RAET1L: variants seen among roughly 807,000 people sequenced by gnomAD.
The protein encoded by RAET1L is retinoic acid early transcript 1L, also known as UL16-binding protein 6.
RAET1L carries 16 observed loss-of-function variants against 23.9 expected under a neutral mutation model. The ratio of observed to expected loss-of-function variants is 0.67; its 90% CI spans 0.45 to 1.02. RAET1L has a LOEUF of 1.02. Ranked by LOEUF, RAET1L falls within the 50% of genes least tolerant of loss-of-function variation. The probability of loss-of-function intolerance (pLI) is 0.00; values close to 1 mark genes in which losing one functional copy is unlikely to be tolerated. For missense variants in RAET1L, 233 were observed against 304.0 expected, an observed-to-expected ratio of 0.77 and a Z score of 1.74; for synonymous variants, 70 against 111.2, an observed-to-expected ratio of 0.63 and a Z score of 2.33.
At chr6:150,021,247 C>T in intron 2 of RAET1L, 61 bp from the exon 3 acceptor site, 3 of 1,546,394 alleles carry the variant, frequency 1.9e-6, no homozygotes, top group Non-Finnish European at 2.6e-6. Context: ...CCATCCTGTT[C>T]CCCTTACAAT....
chr6:150,023,750 G>C (rs944786575), intron 1 of RAET1L, among the ~76,000 whole-genome samples: 2 of 152,124 alleles, frequency 1.3e-5, no homozygotes, highest in African/African-American at 4.8e-5. Context: ...TGAATATTCA[G>C]AGACAAGGCA....
chr6:150,025,082 A>G (rs1415507418), intron 1 of RAET1L, among the ~76,000 whole-genome samples: 1 of 152,094 alleles, frequency 6.6e-6, no homozygotes, highest in Non-Finnish European at 1.5e-5. Context: ...TCCTTCCGAA[A>G]GGCGGGTGGG....
intron 1 of RAET1L, among the ~76,000 whole-genome samples, chr6:150,023,145 A>C (rs2114760520): frequency 6.8e-6 from 1 of 147,470 alleles, no homozygotes; most frequent in South Asian, 2.2e-4. Flanking sequence ...AGGAGCAAGG[A>C]GGGTGCAATG....
rs971948440 is a variant in RAET1L at position 150,018,831 on chromosome 6, G to A, written c.*47C>T. On this transcript the variant is annotated 3_prime_UTR_variant, in exon 5 of 5. Transcript: ENST00000367341. ...GAGGTTGATCAAGACCGTGCTCACA[G>A]GGGCTTTTTGGTATCATCTTTAACC... 11 of 341,398 alleles carry A rather than the reference G, an allele frequency of 3.2e-5. No individual in the cohort carries two copies. Among genetic ancestry groups the A allele is most frequent in the South Asian group, 2.1e-4 (9 of 43,204 alleles). 21.1% of individuals were successfully genotyped at this position (341,398 alleles called of 1,614,324 possible).
chr6:150,020,355 C>T lies in RAET1L; in HGVS notation c.632-116G>A, dbSNP rs1007322239. 3.8e-6 allele frequency: 6 copies of T among 1,589,682 alleles called. No individual in the cohort carries two copies. In the Admixed American group the frequency reaches 8.8e-5, roughly 23 times the overall value. ...GAAGGCAAAAGTTTTGTCCCCTCCCCCCTGGTGTGGGGCAGCCAGTATGAC... is the reference window on the plus strand; with the variant it reads ...GAAGGCAAAAGTTTTGTCCCCTCCCTCCTGGTGTGGGGCAGCCAGTATGAC... On this transcript the variant is annotated intron_variant, in intron 3 of 4. Transcript: ENST00000367341.
At chr6:150,020,391 T>G (rs1282952454) in intron 3 of RAET1L, 152 bp from the exon 4 acceptor site, 1 of 1,453,590 alleles carries the variant, frequency 6.9e-7, no homozygotes, top group Non-Finnish European at 9.4e-7. Flanking sequence ...AGGTCCTGGC[T>G]TAGGAAGGGA....
At position 150,020,583 on chromosome 6, in the gene RAET1L, A is replaced by G. The variant is rs539738267; in HGVS notation, c.631+322T>C. Reference sequence around the variant, plus strand: ...TTTCCAGAACCAGACCAGGGAAAGGAAAGGAAAAGTGATTCTCAAAAGAGG... The same window carrying G: ...TTTCCAGAACCAGACCAGGGAAAGGGAAGGAAAAGTGATTCTCAAAAGAGG... On this transcript the variant is annotated intron_variant, in intron 3 of 4. Coordinates refer to ENST00000367341, the MANE Select transcript of RAET1L (RefSeq NM_130900.3). Among the ~76,000 whole-genome samples, 224 of 152,222 alleles carry G rather than the reference A, an allele frequency of 1.5e-3. 1 individual carries two copies. The highest frequency in any genetic ancestry group is 5.1e-3 in the African/African-American group (212 of 41,522).
intron 1 of RAET1L, among the ~76,000 whole-genome samples, chr6:150,023,052 A>G (rs1779906584): frequency 7.6e-6 from 1 of 131,800 alleles, no homozygotes; most frequent in Admixed American, 7.9e-5. Context: ...GGGGTAGGAG[A>G]TGCTGTTCCT....
intron 3 of RAET1L, 99 bp from the exon 4 acceptor site, chr6:150,020,338 A>C: frequency 6.3e-7 from 1 of 1,591,082 alleles, no homozygotes; most frequent in Non-Finnish European, 8.6e-7. Context: ...TGGAAGGCAA[A>C]AGTTTTGTCC....
rs1016918565 is a variant in RAET1L, at chr6:150,020,356, C to A, written c.632-117G>T. ...AAGGCAAAAGTTTTGTCCCCTCCCCCCTGGTGTGGGGCAGCCAGTATGACA... is the reference window on the plus strand; with the variant it reads ...AAGGCAAAAGTTTTGTCCCCTCCCCACTGGTGTGGGGCAGCCAGTATGACA... On this transcript the variant is annotated intron_variant, in intron 3 of 4. Transcript: ENST00000367341. 146 of 1,587,448 alleles carry A rather than the reference C, an allele frequency of 9.2e-5. 2 individuals are homozygous for A. In the Admixed American group the frequency reaches 2.2e-3, roughly 24 times the overall value.
intron 1 of RAET1L, among the ~76,000 whole-genome samples, chr6:150,024,929 G>T (rs1414591552): frequency 6.6e-6 from 1 of 152,134 alleles, no homozygotes; most frequent in Non-Finnish European, 1.5e-5. Flanking sequence ...GAGTCCTGGG[G>T]GTGCTGGAGG....
chr6:150,024,421 A>T (rs1045628855), intron 1 of RAET1L, among the ~76,000 whole-genome samples: 8 of 152,176 alleles, frequency 5.3e-5, no homozygotes, highest in Non-Finnish European at 1.2e-4. Flanking sequence ...ACAAAGGGAC[A>T]GGACTGGACA....
At position 150,020,984 on chromosome 6, in the gene RAET1L, G is replaced by C; in HGVS notation, c.552C>G (p.Tyr184Ter). ...ATCCTATGCAGTCTCCCATTGAGAT[G>C]TAATGGAAGGACATGGCCACATCCT... ...NDKDVAMSFH[Y>*]ISMGDCIGWL... The change falls in exon 3 of 5, where the codon TAC becomes TAG. Residue 184 changes from tyrosine (Y) to a stop codon, truncating the protein, a stop_gained. Coordinates refer to ENST00000367341, the MANE Select transcript of RAET1L (RefSeq NM_130900.3). LOFTEE classifies it high-confidence loss of function. 6.2e-7 allele frequency: 1 copy of C among 1,614,218 alleles called. No individual in the cohort carries two copies. The highest frequency in any genetic ancestry group is 8.5e-7 in the Non-Finnish European group (1 of 1,180,048).
At position 150,018,821 on chromosome 6, in the gene RAET1L, C is replaced by T. The variant is rs571605706; in HGVS notation, c.*57G>A. Reference sequence around the variant, plus strand: ...ACAGAAGGGCGAGGTTGATCAAGACCGTGCTCACAGGGGCTTTTTGGTATC... The same window carrying T: ...ACAGAAGGGCGAGGTTGATCAAGACTGTGCTCACAGGGGCTTTTTGGTATC... On this transcript the variant is annotated 3_prime_UTR_variant, in exon 5 of 5. Coordinates refer to ENST00000367341, the MANE Select transcript of RAET1L (RefSeq NM_130900.3). 2.0e-4 allele frequency: 68 copies of T among 338,042 alleles called. No homozygotes were observed. Among genetic ancestry groups the T allele is most frequent in the African/African-American group, 1.2e-3 (56 of 45,226 alleles). The allele number at this position is 338,042 out of a possible 1,614,324, so 20.9% of individuals were successfully genotyped here.
intron 3 of RAET1L, 122 bp from the exon 4 acceptor site, chr6:150,020,361 T>C: frequency 8.3e-6 from 13 of 1,575,620 alleles, no homozygotes; most frequent in Admixed American, 1.8e-5. Context: ...TCCCCCCTGG[T>C]GTGGGGCAGC....
rs774959162 is a variant in RAET1L at position 150,021,106 on chromosome 6, C to G, written c.430G>C (p.Asp144His). ...TCAAAGAGTAGGAAGGTCTGTCCAT[C>G]GATACTGAACTGCCAAGATCCACTG... Reference protein sequence around the residue: ...HSSGSWQFSIDGQTFLLFDSE... With the variant: ...HSSGSWQFSIHGQTFLLFDSE... The change falls in exon 3 of 5, where the codon GAT (aspartate) becomes CAT (histidine). Residue 144 changes from aspartate (D) to histidine (H), a missense_variant. This residue lies in a region of RAET1L where 139 missense variants were observed against 125.3 expected (regional missense o/e 1.11). Transcript: ENST00000367341. The G allele has an allele frequency of 1.2e-6, 2 of 1,614,128 alleles. No individual in the cohort carries two copies. The highest frequency in any genetic ancestry group is 1.7e-5 in the Admixed American group (1 of 60,022).
chr6:150,019,242 C>T (rs536921761), intron 4 of RAET1L, among the ~76,000 whole-genome samples: 2 of 152,348 alleles, frequency 1.3e-5, no homozygotes, highest in South Asian at 2.1e-4. Flanking sequence ...GGCCTGCAGG[C>T]AAACATCCTT....
chr6:150,021,058 T>C lies in RAET1L; in HGVS notation c.478A>G (p.Thr160Ala). 2 of 1,614,182 alleles carry C rather than the reference T, an allele frequency of 1.2e-6. No individual in the cohort carries two copies. The highest frequency in any genetic ancestry group is 1.7e-6 in the Non-Finnish European group (2 of 1,180,036). ...ATCTTTCTGGCTCCAGGATGAACCGTTGTCCACATTCTCTTCTCTGAGTCA... is the reference window on the plus strand; with the variant it reads ...ATCTTTCTGGCTCCAGGATGAACCGCTGTCCACATTCTCTTCTCTGAGTCA... ...LFDSEKRMWTTVHPGARKMKE... is the reference protein window; with the variant it reads ...LFDSEKRMWTAVHPGARKMKE... Residue 160 changes from threonine (T) to alanine (A), a missense_variant, in exon 3 of 5, where the codon ACG becomes GCG. Around this residue, in one of 4 missense-constraint regions of RAET1L, gnomAD observed 139 missense variants for 125.3 expected, o/e 1.11. Coordinates refer to ENST00000367341, the MANE Select transcript of RAET1L (RefSeq NM_130900.3).
chr6:150,021,531 C>A (rs1284888404), intron 2 of RAET1L, among the ~76,000 whole-genome samples: 1 of 146,218 alleles, frequency 6.8e-6, no homozygotes, highest in African/African-American at 2.5e-5. Flanking sequence ...GATCTCTTGA[C>A]CTTGTGATCC....
Sources: allele counts gnomAD v4.1 joint callset (sites outside exome capture counted in the v4.1 genomes callset), GRCh38; gene constraint gnomAD v4.1.1; regional missense constraint gnomAD v4.1.1; transcripts MANE v1.5; gene names NCBI Gene and HGNC (gene_info 2026-07-23, HGNC 2026-07-21).